The following ZNF146 variants were observed in gnomAD, a reference collection of about 807,000 sequenced individuals.
ZNF146 encodes the protein zinc finger protein 146.
ZNF146 carries 9 observed loss-of-function variants against 22.2 expected under a neutral mutation model. The observed-to-expected ratio is 0.41, with a 90% confidence interval of 0.24 to 0.71. The LOEUF is 0.71. ZNF146 is among the 30% of genes least tolerant of loss of function. The probability of loss-of-function intolerance (pLI) is 0.34; values close to 1 mark genes in which losing one functional copy is unlikely to be tolerated. For missense variants in ZNF146, 194 were observed against 344.8 expected (o/e 0.56, Z 3.46); for synonymous variants, 108 against 119.2 (o/e 0.91, Z 0.61).
chr19:36,229,742 C>T (rs551122891), intron 3 of ZNF146, among the ~76,000 whole-genome samples: 32 of 152,122 alleles, frequency 2.1e-4, no homozygotes, highest in African/African-American at 7.7e-4. Context: ...TTTTTTGAGA[C>T]AGAGTTTTGC....
chr19:36,238,376 T>C lies in ZNF146; in HGVS notation c.*1057T>C, dbSNP rs1177138901. The C allele has an allele frequency of 6.0e-6, 1 of 167,060 alleles. No homozygotes were observed. Among genetic ancestry groups the C allele is most frequent in the Non-Finnish European group, 1.5e-5 (1 of 68,126 alleles). The allele number at this position is 167,060 out of a possible 1,614,324, so 10.3% of individuals were successfully genotyped here. A position where few individuals can be genotyped will look rare whatever the true frequency, so the allele number is the denominator to read the frequency against. ...CCAAACTCTTGATAGTGGTCACCTG[T>C]GAAGAGTGGAGAAGGGAAAATAATG... On this transcript the variant is annotated 3_prime_UTR_variant, in exon 4 of 4. Transcript: ENST00000443387.
chr19:36,228,215 A>G (rs1353090410), intron 2 of ZNF146, among the ~76,000 whole-genome samples: 2 of 151,902 alleles, frequency 1.3e-5, no homozygotes, highest in Non-Finnish European at 2.9e-5. Flanking sequence ...AAAGAGGGTA[A>G]ATAGGACTTC....
At chr19:36,226,526 A>G (rs942115705) in intron 2 of ZNF146, among the ~76,000 whole-genome samples, 1 of 152,094 alleles carries the variant, frequency 6.6e-6, no homozygotes, top group Non-Finnish European at 1.5e-5. Flanking sequence ...AATCATTTAC[A>G]TTTTGGTTGT....
chr19:36,222,603 C>T (rs1346392579), intron 2 of ZNF146, among the ~76,000 whole-genome samples: 2 of 152,022 alleles, frequency 1.3e-5, no homozygotes, highest in Non-Finnish European at 2.9e-5. Context: ...GTGTAGGTTT[C>T]ATTTACATCC....
chr19:36,220,388 G>T, intron 2 of ZNF146, among the ~76,000 whole-genome samples: 2 of 144,424 alleles, frequency 1.4e-5, no homozygotes, highest in Non-Finnish European at 3.0e-5. Context: ...TTTTTGAGAC[G>T]GAGTCTTGCT....
chr19:36,217,901 A>G (rs982857623), intron 1 of ZNF146, among the ~76,000 whole-genome samples: 2 of 136,702 alleles, frequency 1.5e-5, no homozygotes, highest in African/African-American at 5.6e-5. Flanking sequence ...AAAAAAAAAA[A>G]ATTCAAAAGA....
Position 36,237,313 on chromosome 19 carries a change from T to C in ZNF146, c.873T>C (p.Thr291=), listed in dbSNP as rs754022081. Residue 291 remains threonine (T), a synonymous_variant, in exon 4 of 4, where the codon ACT becomes ACC. Transcript: ENST00000443387. ...ACATTAGACACCAGAAAATTCATACTCACTAAAAACCCCATGAAAGCCTTG... is the reference window on the plus strand; with the variant it reads ...ACATTAGACACCAGAAAATTCATACCCACTAAAAACCCCATGAAAGCCTTG... The part of the protein sequence containing the change: ...SHHIRHQKIH[T]H The C allele has an allele frequency of 6.2e-7, 1 of 1,601,846 alleles. No homozygotes were observed. Among genetic ancestry groups the C allele is most frequent in the South Asian group, 1.1e-5 (1 of 89,472 alleles).
Position 36,236,680 on chromosome 19 carries a change from A to G in ZNF146, c.240A>G (p.Ser80=). The change falls in exon 4 of 4, where the codon TCA becomes TCG. Residue 80 remains serine (S), a synonymous_variant. Coordinates refer to ENST00000443387, the MANE Select transcript of ZNF146 (RefSeq NM_007145.3). ...TCGAATGTAATGAATGTGGAAAATC[A>G]TTTAGCCAGAAGGAAAACCTCCTTA... The part of the protein sequence containing the change: ...KLFECNECGK[S]FSQKENLLTH... The G allele has an allele frequency of 6.2e-7, 1 of 1,614,220 alleles. No homozygotes were observed. The highest frequency in any genetic ancestry group is 8.5e-7 in the Non-Finnish European group (1 of 1,180,028).
intron 1 of ZNF146, among the ~76,000 whole-genome samples, chr19:36,217,053 GTCTTTT>G (rs1167445835): frequency 1.4e-5 from 1 of 71,826 alleles, no homozygotes; most frequent in African/African-American, 4.8e-5. Context: ...GCCAGTCCCT[GTCTTTT>G]TTTTTTTTTT....
At chr19:36,226,952 G>A (rs1003832882) in intron 2 of ZNF146, among the ~76,000 whole-genome samples, 1 of 152,060 alleles carries the variant, frequency 6.6e-6, no homozygotes, top group Non-Finnish European at 1.5e-5. Flanking sequence ...GCATGGTGGC[G>A]CATGCCTATA....
At position 36,236,498 on chromosome 19, in the gene ZNF146, G is replaced by A. The variant is rs1262293237; in HGVS notation, c.58G>A (p.Val20Ile). 1 of 1,614,122 alleles carries A rather than the reference G, an allele frequency of 6.2e-7. No homozygotes were observed. Among genetic ancestry groups the A allele is most frequent in the Non-Finnish European group, 8.5e-7 (1 of 1,179,996 alleles). The change falls in exon 4 of 4, where the codon GTA (valine) becomes ATA (isoleucine). Residue 20 changes from valine (V) to isoleucine (I), a missense_variant. Around this residue, in one of 2 missense-constraint regions of ZNF146, gnomAD observed 47 missense variants for 44.7 expected, o/e 1.05. Transcript: ENST00000443387. ...TGGGGAAAACCCCTTTGCCTGTAAG[G>A]TATGTGGAAAAGTCTTCAGCCACAA... ...YSGENPFACK[V>I]CGKVFSHKSN...
At chr19:36,224,759 CA>C (rs1248163933) in intron 2 of ZNF146, among the ~76,000 whole-genome samples, 1 of 152,200 alleles carries the variant, frequency 6.6e-6, no homozygotes, top group Non-Finnish European at 1.5e-5. Context: ...GGAATAGGGA[CA>C]TTTTTATGAC....
intron 2 of ZNF146, among the ~76,000 whole-genome samples, chr19:36,227,720 A>ATTTTTGT (rs1977135047): frequency 3.9e-5 from 6 of 152,098 alleles, no homozygotes; most frequent in South Asian, 4.2e-4. Context: ...GCGCCCAGCT[A>ATTTTTGT]ATTTTGTATT....
rs772104508 is a variant in ZNF146, at chr19:36,230,469, TATAGAGAGGGC to T, written c.-783+1651_-783+1661del. Among the ~76,000 whole-genome samples, 921 of 152,218 alleles carry T rather than the reference TATAGAGAGGGC, an allele frequency of 6.1e-3. 9 individuals carry two copies. Among genetic ancestry groups the T allele is most frequent in the Non-Finnish European group, 8.8e-3 (601 of 68,020 alleles). On this transcript the variant is annotated intron_variant, in intron 3 of 3. Transcript: ENST00000443387. ...AAAGAATAAAGTAAGGGAAAACCGG[TATAGAGAGGGC>T]TAGTTGGGGTTGTAATTTTAAATCA...
chr19:36,230,212 T>C (rs2145438617), intron 3 of ZNF146, among the ~76,000 whole-genome samples: 1 of 152,348 alleles, frequency 6.6e-6, no homozygotes, highest in East Asian at 1.9e-4. Flanking sequence ...GATAAGCACA[T>C]TGCTCTCAAA....
At chr19:36,233,302 G>A (rs1280372379) in intron 3 of ZNF146, among the ~76,000 whole-genome samples, 1 of 152,134 alleles carries the variant, frequency 6.6e-6, no homozygotes, top group Admixed American at 6.5e-5. Flanking sequence ...ATCACTTGAA[G>A]CCAGGAGGCC....
At chr19:36,217,263 A>C (rs1976651200) in intron 1 of ZNF146, among the ~76,000 whole-genome samples, 1 of 151,254 alleles carries the variant, frequency 6.6e-6, no homozygotes. Flanking sequence ...GGGTTTTACC[A>C]TGTTGGCCAG....
rs1048931569 is a variant in ZNF146 at position 36,218,577 on chromosome 19, C to T, written c.-855+382C>T. 1.1e-4 allele frequency among the ~76,000 whole-genome samples: 17 copies of T among 150,638 alleles called. No homozygotes were observed. The Middle Eastern group carries it at 0.01, about 92-fold the overall frequency. On this transcript the variant is annotated intron_variant, in intron 2 of 3. Transcript: ENST00000443387. Reference sequence around the variant, plus strand: ...GCCTCCCTGGTTCATGCCATTCTCCCGCCTCAGCCTCCTGAGTAGCTGGGA... The same window carrying T: ...GCCTCCCTGGTTCATGCCATTCTCCTGCCTCAGCCTCCTGAGTAGCTGGGA...
At chr19:36,235,079 C>T (rs185025294) in intron 3 of ZNF146, among the ~76,000 whole-genome samples, 1 of 151,974 alleles carries the variant, frequency 6.6e-6, no homozygotes, top group East Asian at 1.9e-4. Flanking sequence ...TATGGTGGTG[C>T]ACACCTGTAA....
Sources: allele counts gnomAD v4.1 joint callset (sites outside exome capture counted in the v4.1 genomes callset), GRCh38; gene constraint gnomAD v4.1.1; regional missense constraint gnomAD v4.1.1; transcripts MANE v1.5; gene names NCBI Gene and HGNC (gene_info 2026-07-23, HGNC 2026-07-21).